The following CYTH3 variants were observed in gnomAD, a reference collection of about 807,000 sequenced individuals.
The protein encoded by CYTH3 is cytohesin-3.
In CYTH3, 23 loss-of-function variants were observed where a neutral mutation model predicts 55.1. The observed-to-expected ratio is 0.42, with a 90% CI of 0.30 to 0.59. CYTH3 has a LOEUF of 0.59. Among genes scored for constraint, CYTH3 ranks in the 20% least tolerant of loss-of-function variants. The pLI is 0.20. For missense variants in CYTH3, 413 were observed against 524.8 expected (o/e 0.79, Z 2.08); for synonymous variants, 249 against 194.9 (o/e 1.28, Z -2.31).
chr7:6,168,968 C>G (rs1016838225), intron 9 of CYTH3, among the ~76,000 whole-genome samples: 3 of 152,198 alleles, frequency 2.0e-5, no homozygotes, highest in Non-Finnish European at 2.9e-5. Context: ...TACATTCCCC[C>G]CCACCGGCCC....
Position 6,165,420 on chromosome 7 carries a change from A to G in CYTH3, c.980T>C (p.Phe327Ser). 6.2e-7 allele frequency: 1 copy of G among 1,613,210 alleles called. No individual in the cohort carries two copies. Among genetic ancestry groups the G allele is most frequent in the Non-Finnish European group, 8.5e-7 (1 of 1,179,502 alleles). ...TTTGTGGCTGGGATTGTAGAGCTCA[A>G]AACAGTTCTGGTGGAGAAAGAGAGA... is the stretch of plus-strand genomic sequence containing the variant. ...EVEDPRKPNC[F>S]ELYNPSHKGQ... Residue 327 changes from phenylalanine (F) to serine (S), a missense_variant, in exon 12 of 13, where the codon TTT becomes TCT. Around this residue, in one of 4 missense-constraint regions of CYTH3, gnomAD observed 98 missense variants for 115.2 expected, o/e 0.85. Coordinates refer to ENST00000350796, the MANE Select transcript of CYTH3 (RefSeq NM_004227.4).
chr7:6,262,816 G>C (rs904698496), intron 1 of CYTH3, among the ~76,000 whole-genome samples: 6 of 152,326 alleles, frequency 3.9e-5, no homozygotes, highest in African/African-American at 1.4e-4. Context: ...CTACTCGGGA[G>C]GCTGAGGCAG....
intron 3 of CYTH3, 40 bp downstream of exon 3, chr7:6,187,615 GAA>G (rs768238707): frequency 1.9e-6 from 3 of 1,556,654 alleles, no homozygotes; most frequent in Non-Finnish European, 2.7e-6. Context: ...GAGGTAGAAA[GAA>G]AAGAGTAAAT....
intron 1 of CYTH3, among the ~76,000 whole-genome samples, chr7:6,258,334 A>C (rs961659863): frequency 6.6e-6 from 1 of 151,890 alleles, no homozygotes; most frequent in Admixed American, 6.6e-5. Context: ...AGAAAAGAAA[A>C]GAAACGCAAC....
At chr7:6,206,554 C>T (rs993957617) in intron 1 of CYTH3, among the ~76,000 whole-genome samples, 1 of 152,240 alleles carries the variant, frequency 6.6e-6, no homozygotes. Flanking sequence ...GGTGTGTGTA[C>T]ATGACTACAT....
chr7:6,205,787 T>C (rs773732521), intron 1 of CYTH3, among the ~76,000 whole-genome samples: 12 of 140,968 alleles, frequency 8.5e-5, no homozygotes, highest in Non-Finnish European at 1.6e-4. Flanking sequence ...TGAGACAGGA[T>C]AGCTTGAGCC....
At chr7:6,248,440 C>T (rs866542438) in intron 1 of CYTH3, among the ~76,000 whole-genome samples, 5 of 152,264 alleles carry the variant, frequency 3.3e-5, no homozygotes, top group South Asian at 2.1e-4. Context: ...CTGAGCCTAT[C>T]GTGTTGCTTT....
chr7:6,230,385 G>A (rs576719033), intron 1 of CYTH3, among the ~76,000 whole-genome samples: 1 of 152,214 alleles, frequency 6.6e-6, no homozygotes, highest in African/African-American at 2.4e-5. Flanking sequence ...TTCTACCGCA[G>A]GGAAAAGGGA....
At chr7:6,217,598 G>C (rs1583170854) in intron 1 of CYTH3, among the ~76,000 whole-genome samples, 1 of 152,208 alleles carries the variant, frequency 6.6e-6, no homozygotes. Context: ...AACAATTATA[G>C]TCAGAGAATT....
In CYTH3 at chr7:6,251,415, A is replaced by T. The variant is rs189486086; in HGVS notation, c.34+21059T>A. On this transcript the variant is annotated intron_variant, in intron 1 of 12. Transcript: ENST00000350796. ...AGGAAGTTTCTTGAAGGGCTACAAA[A>T]GCGTTTCTTTCAGTGGGAGGCAGAA... Among the ~76,000 whole-genome samples the T allele has an allele frequency of 2.8e-3, 427 of 152,184 alleles. 3 individuals are homozygous for T. Among genetic ancestry groups the T allele is most frequent in the Middle Eastern group, 0.01 (3 of 294 alleles).
chr7:6,223,374 C>A (rs554299362), intron 1 of CYTH3, among the ~76,000 whole-genome samples: 2 of 152,110 alleles, frequency 1.3e-5, no homozygotes, highest in East Asian at 1.9e-4. Flanking sequence ...ATGACGATGG[C>A]GGTTTTGTCG....
chr7:6,260,940 A>G (rs755532829), intron 1 of CYTH3, among the ~76,000 whole-genome samples: 1 of 152,208 alleles, frequency 6.6e-6, no homozygotes, highest in African/African-American at 2.4e-5. Flanking sequence ...TAACAAGTCC[A>G]TTTTAAATAG....
At chr7:6,209,234 C>T (rs771883254) in intron 1 of CYTH3, among the ~76,000 whole-genome samples, 16 of 152,238 alleles carry the variant, frequency 1.1e-4, no homozygotes, top group Non-Finnish European at 1.9e-4. Context: ...GATACTACTA[C>T]TATCTCAAGC....
At chr7:6,221,672 C>T (rs1482734300) in intron 1 of CYTH3, among the ~76,000 whole-genome samples, 1 of 151,074 alleles carries the variant, frequency 6.6e-6, no homozygotes, top group East Asian at 1.9e-4. Flanking sequence ...TTGCAACTTT[C>T]TGTGAATCTA....
intron 1 of CYTH3, among the ~76,000 whole-genome samples, chr7:6,242,781 G>A (rs1365950344): frequency 6.6e-6 from 1 of 152,096 alleles, no homozygotes; most frequent in Non-Finnish European, 1.5e-5. Context: ...GGAATTCCCT[G>A]TCATACTACA....
chr7:6,253,539 C>A (rs1009255532), intron 1 of CYTH3, among the ~76,000 whole-genome samples: 1 of 151,928 alleles, frequency 6.6e-6, no homozygotes, highest in Non-Finnish European at 1.5e-5. Flanking sequence ...TAAAAACAGC[C>A]GGGCACGGTG....
At chr7:6,212,894 T>G (rs1784353152) in intron 1 of CYTH3, among the ~76,000 whole-genome samples, 1 of 152,236 alleles carries the variant, frequency 6.6e-6, no homozygotes. Flanking sequence ...TGGAGGAATC[T>G]CCACACTGTT....
At chr7:6,201,827 G>T (rs976855997) in intron 1 of CYTH3, among the ~76,000 whole-genome samples, 3 of 152,078 alleles carry the variant, frequency 2.0e-5, no homozygotes, top group Non-Finnish European at 4.4e-5. Flanking sequence ...GGGTAAGCAG[G>T]AAAGGAATGG....
intron 4 of CYTH3, among the ~76,000 whole-genome samples, chr7:6,179,270 T>G: frequency 6.6e-6 from 1 of 151,412 alleles, no homozygotes; most frequent in East Asian, 1.9e-4. Flanking sequence ...CACGGAAGAG[T>G]ATTTCAGTTC....
Sources: gnomAD v4.1 joint callset for allele counts (sites outside exome capture counted in the v4.1 genomes callset) on GRCh38, gnomAD v4.1.1 for gene constraint, gnomAD v4.1.1 regional missense constraint, MANE v1.5 for transcripts, NCBI Gene and HGNC (gene_info 2026-07-23, HGNC 2026-07-21) for gene names.